The following ROR2 variants were observed in gnomAD, a reference collection of about 807,000 sequenced individuals.
The protein encoded by ROR2 is ROR family WNT receptor 2, also known as tyrosine-protein kinase transmembrane receptor ROR2.
A neutral mutation model predicts 74.9 loss-of-function variants in ROR2; 33 were observed. That is an observed-to-expected ratio of 0.44 (90% CI 0.33 to 0.59). The LOEUF (loss-of-function observed/expected upper bound fraction) is 0.59, where lower values mean the gene tolerates loss of function less well. Among genes scored for constraint, ROR2 ranks in the 20% least tolerant of loss-of-function variants. The pLI is 0.02. For synonymous variants in ROR2, 586 were observed against 558.7 expected (o/e 1.05, Z -0.69); for missense variants, 1,216 against 1,313.8 (o/e 0.93, Z 1.15).
At chr9:91,891,789 C>A (rs1396384015) in intron 1 of ROR2, among the ~76,000 whole-genome samples, 1 of 151,922 alleles carries the variant, frequency 6.6e-6, no homozygotes, top group Non-Finnish European at 1.5e-5. Context: ...GGCTCACACC[C>A]GTAATCCCAG....
At chr9:91,759,146 G>A (rs1184459196) in intron 2 of ROR2, among the ~76,000 whole-genome samples, 1 of 152,178 alleles carries the variant, frequency 6.6e-6, no homozygotes, top group Non-Finnish European at 1.5e-5. Context: ...AGTATTTCTA[G>A]TGAACCCTAA....
chr9:91,928,233 G>GT (rs1187403162), intron 1 of ROR2, among the ~76,000 whole-genome samples: 1 of 152,046 alleles, frequency 6.6e-6, no homozygotes, highest in Non-Finnish European at 1.5e-5. Context: ...GCCAACAAGA[G>GT]TCACATCAGC....
Position 91,794,999 on chromosome 9 carries a change from G to A in ROR2, c.98-19181C>T, listed in dbSNP as rs943508623. Among the ~76,000 whole-genome samples, 4 of 151,164 alleles carry A rather than the reference G, an allele frequency of 2.6e-5. 1 individual carries two copies. Among genetic ancestry groups the A allele is most frequent in the Admixed American group, 6.6e-5 (1 of 15,118 alleles). The stretch of plus-strand genomic sequence containing the variant: ...TAGCTGGGTGTGGTGGCAGGCGCCT[G>A]TAATCCCAGCTACTCCGGAGGTTGA... On this transcript the variant is annotated intron_variant, in intron 1 of 8. Transcript: ENST00000375708.
At chr9:91,764,535 T>C (rs1247978027) in intron 2 of ROR2, among the ~76,000 whole-genome samples, 1 of 149,530 alleles carries the variant, frequency 6.7e-6, no homozygotes, top group African/African-American at 2.5e-5. Flanking sequence ...CAAAAGACTT[T>C]AAATGCTATG....
intron 4 of ROR2, among the ~76,000 whole-genome samples, chr9:91,743,226 G>A (rs185980541): frequency 9.4e-4 from 143 of 152,252 alleles, no homozygotes; most frequent in African/African-American, 3.4e-3. Flanking sequence ...CTGAAGCAAA[G>A]AGACAAAAAG....
intron 1 of ROR2, among the ~76,000 whole-genome samples, chr9:91,871,603 G>T (rs993024376): frequency 6.6e-6 from 1 of 152,166 alleles, no homozygotes; most frequent in Admixed American, 6.5e-5. Flanking sequence ...AACAAGAGCT[G>T]GAGTCTGTTT....
intron 1 of ROR2, among the ~76,000 whole-genome samples, chr9:91,907,262 C>G (rs1003082232): frequency 1.1e-4 from 16 of 152,128 alleles, no homozygotes; most frequent in African/African-American, 3.6e-4. Flanking sequence ...CAATGGCATG[C>G]AGCCCCCAGA....
Position 91,775,838 on chromosome 9 carries a change from A to G in ROR2, c.98-20T>C. 1 of 1,609,930 alleles carries G rather than the reference A, an allele frequency of 6.2e-7. No homozygotes were observed. The highest frequency in any genetic ancestry group is 8.5e-7 in the Non-Finnish European group (1 of 1,176,402). On this transcript the variant is annotated intron_variant, in intron 1 of 8. Coordinates refer to ENST00000375708, the MANE Select transcript of ROR2 (RefSeq NM_004560.4). The stretch of plus-strand genomic sequence containing the variant: ...CTTCACCTGGGAAAAAGAAACCAGG[A>G]TAGGTATTAAACAAGTTTTCCTTTC...
intron 4 of ROR2, among the ~76,000 whole-genome samples, chr9:91,753,142 G>A (rs1825641253): frequency 6.6e-6 from 1 of 151,902 alleles, no homozygotes. Context: ...ATCTTTCAAG[G>A]AAATCATGAC....
chr9:91,806,782 G>T (rs950899680), intron 1 of ROR2, among the ~76,000 whole-genome samples: 1 of 152,018 alleles, frequency 6.6e-6, no homozygotes, highest in African/African-American at 2.4e-5. Context: ...GTAGAGACGG[G>T]GTTTCACCGT....
At chr9:91,885,775 C>A (rs1470148818) in intron 1 of ROR2, among the ~76,000 whole-genome samples, 1 of 149,986 alleles carries the variant, frequency 6.7e-6, no homozygotes, top group Admixed American at 6.7e-5. Flanking sequence ...GAATAACACA[C>A]AAAATAAAAC....
intron 1 of ROR2, among the ~76,000 whole-genome samples, chr9:91,789,941 A>G (rs1269205827): frequency 6.6e-6 from 1 of 152,222 alleles, no homozygotes; most frequent in Non-Finnish European, 1.5e-5. Flanking sequence ...CAAGCAACAC[A>G]CTTCGAATTC....
chr9:91,827,323 T>A (rs1478627175), intron 1 of ROR2, among the ~76,000 whole-genome samples: 7 of 152,060 alleles, frequency 4.6e-5, no homozygotes, highest in African/African-American at 1.7e-4. Flanking sequence ...CATTTTTTTT[T>A]AATGTGACTT....
intron 1 of ROR2, among the ~76,000 whole-genome samples, chr9:91,777,341 C>T (rs997472380): frequency 6.6e-5 from 10 of 151,970 alleles, no homozygotes; most frequent in Admixed American, 2.6e-4. Flanking sequence ...AAGAATACCA[C>T]CTTTCCTCCA....
chr9:91,905,307 C>T lies in ROR2; in HGVS notation c.97+44560G>A, dbSNP rs554800533. Among the ~76,000 whole-genome samples, 20 of 151,134 alleles carry T rather than the reference C, an allele frequency of 1.3e-4. No individual in the cohort carries two copies. The South Asian group carries it at 3.4e-3, about 26-fold the overall frequency. On this transcript the variant is annotated intron_variant, in intron 1 of 8. Coordinates refer to ENST00000375708, the MANE Select transcript of ROR2 (RefSeq NM_004560.4). The surrounding 1 kb of genome is among the most constrained non-coding windows in gnomAD (Gnocchi z 5.3). ...CACACACAATACCACACACCAGACA[C>T]ACCACACACATACAATCATACCACA...
rs563221925 is a variant in ROR2 at position 91,762,874 on chromosome 9, T to C, written c.176-5315A>G. The stretch of plus-strand genomic sequence containing the variant: ...TAAGCTATTTCCACATTATTGCTAT[T>C]GTAACATTTAATGACCACCTATATA... On this transcript the variant is annotated intron_variant, in intron 2 of 8. Coordinates refer to ENST00000375708, the MANE Select transcript of ROR2 (RefSeq NM_004560.4). 9.8e-5 allele frequency among the ~76,000 whole-genome samples: 15 copies of C among 152,318 alleles called. No individual in the cohort carries two copies. In the South Asian group the frequency reaches 2.7e-3, roughly 27 times the overall value.
intron 2 of ROR2, among the ~76,000 whole-genome samples, chr9:91,773,407 C>T (rs1283428103): frequency 6.6e-6 from 1 of 152,140 alleles, no homozygotes; most frequent in Non-Finnish European, 1.5e-5. Flanking sequence ...AACTGCACCA[C>T]CCCCGACACC....
Position 91,753,707 on chromosome 9 carries a change from G to T in ROR2, c.494+2364C>A, listed in dbSNP as rs75147870. ...GTCACATGCTCTGCACATGAGTCCA[G>T]AAACAGGGAAAGAGAGCATCTGGAA... On this transcript the variant is annotated intron_variant, in intron 4 of 8. Coordinates refer to ENST00000375708, the MANE Select transcript of ROR2 (RefSeq NM_004560.4). Among the ~76,000 whole-genome samples the T allele has an allele frequency of 1.1e-3, 171 of 152,290 alleles. 1 individual carries two copies. In the East Asian group the frequency reaches 0.031, roughly 27 times the overall value.
intron 1 of ROR2, among the ~76,000 whole-genome samples, chr9:91,814,831 G>A (rs113437987): frequency 8.5e-5 from 13 of 152,224 alleles, no homozygotes; most frequent in East Asian, 1.9e-4. Flanking sequence ...ATGGCTGGAC[G>A]ATGGGCCCAT....
Sources: allele counts gnomAD v4.1 joint callset (sites outside exome capture counted in the v4.1 genomes callset), GRCh38; gene constraint gnomAD v4.1.1; non-coding constraint Gnocchi (gnomAD v3.1); transcripts MANE v1.5; gene names NCBI Gene and HGNC (gene_info 2026-07-23, HGNC 2026-07-21).